Variants in PROSER3 observed in about 807,000 individuals in gnomAD.
The protein encoded by PROSER3 is proline and serine rich 3.
PROSER3 carries 33 observed loss-of-function variants against 50.2 expected under a neutral mutation model. The observed-to-expected ratio is 0.66, with a 90% CI of 0.50 to 0.88. The LOEUF (loss-of-function observed/expected upper bound fraction) is 0.88, where lower values mean the gene tolerates loss of function less well. Among genes scored for constraint, PROSER3 ranks in the 40% least tolerant of loss-of-function variants. The pLI is 0.00. For missense variants in PROSER3, 623 were observed against 612.7 expected (o/e 1.02, Z -0.18); for synonymous variants, 266 against 259.3 (o/e 1.03, Z -0.25).
exon 8 of PROSER3, chr19:35,766,883 G>C: frequency 6.4e-7 from 1 of 1,552,342 alleles, no homozygotes; most frequent in Non-Finnish European, 8.7e-7. Context: ...AGCGGCGGAA[G>C]CTTGAACAGG....
chr19:35,759,223 A>G, intron 1 of PROSER3, 151 bp from the exon 2 acceptor site: 1 of 666,122 alleles, frequency 1.5e-6, no homozygotes, highest in Non-Finnish European at 2.6e-6. Context: ...CACTGTCGAT[A>G]TCCTGAATGT....
downstream of PROSER3, chr19:35,769,225 G>C (rs1280400601): frequency 6.6e-6 from 1 of 151,936 alleles, no homozygotes; most frequent in Non-Finnish European, 1.5e-5. Flanking sequence ...TTCTACCCAA[G>C]GGTTTAAAAG....
chr19:35,766,811 A>G, exon 8 of PROSER3: 3 of 1,550,918 alleles, frequency 1.9e-6, no homozygotes, highest in South Asian at 2.4e-5. Context: ...CCCCTGCTCC[A>G]GCCCCAGCCT....
intron 3 of PROSER3, among the ~76,000 whole-genome samples, chr19:35,761,391 C>A (rs565542215): frequency 6.6e-6 from 1 of 152,050 alleles, no homozygotes; most frequent in African/African-American, 2.4e-5. Context: ...CAAAAATTGG[C>A]AGGGCTGCAG....
At chr19:35,759,430 G>A in exon 2 of PROSER3, 1 of 1,613,454 alleles carries the variant, frequency 6.2e-7, no homozygotes, top group Non-Finnish European at 8.5e-7. Context: ...CTGGGTCGAA[G>A]CCACTACTGG....
chr19:35,762,469 G>A (rs1432878242), intron 5 of PROSER3, 113 bp downstream of exon 5: 2 of 1,044,750 alleles, frequency 1.9e-6, no homozygotes, highest in African/African-American at 1.6e-5. Context: ...AGCACTTTGG[G>A]AGGCCAAGGT....
At chr19:35,767,136 G>A (rs1656804445) in intron 8 of PROSER3, 1 of 783,896 alleles carries the variant, frequency 1.3e-6, no homozygotes, top group Non-Finnish European at 1.9e-6. Flanking sequence ...GTCCCACTGT[G>A]GAGCAGTGTG....
rs1374277379 is a variant in PROSER3, at chr19:35,766,865, G to C, written c.867G>C (p.Gln289His). 5.2e-6 allele frequency: 8 copies of C among 1,551,756 alleles called. 1 individual carries two copies. In the South Asian group the frequency reaches 9.5e-5, roughly 18 times the overall value. ...GGCCAGAGGATGACATTCTGTACCA[G>C]TGGCGGCAGCGGCGGAAGCTTGAAC... The change falls in exon 8 of 11, where the codon CAG becomes CAC. Residue 289 changes from glutamine to histidine, a missense_variant. Gln to His is a conservative substitution (Grantham distance 24). Coordinates refer to ENST00000396908, the Ensembl canonical transcript of PROSER3.
At chr19:35,768,013 C>T in exon 9 of PROSER3, 2 of 1,588,036 alleles carry the variant, frequency 1.3e-6, no homozygotes, top group Non-Finnish European at 1.7e-6. Flanking sequence ...CTGACCACGC[C>T]CCCTCGGAGG....
intron 2 of PROSER3, 25 bp from the exon 3 acceptor site, chr19:35,759,763 CT>C: frequency 6.5e-7 from 1 of 1,542,622 alleles, no homozygotes; most frequent in Non-Finnish European, 8.8e-7. Context: ...CACACTTTTT[CT>C]TCTTGTGCTC....
At chr19:35,761,991 C>A in intron 3 of PROSER3, 28 bp from the exon 4 acceptor site, 1 of 1,564,056 alleles carries the variant, frequency 6.4e-7, no homozygotes, top group South Asian at 1.2e-5. Context: ...CCTCACTCCA[C>A]TCACCTCCTA....
At chr19:35,762,168 A>G in intron 4 of PROSER3, 22 bp downstream of exon 4, 1 of 1,589,720 alleles carries the variant, frequency 6.3e-7, no homozygotes, top group Non-Finnish European at 8.6e-7. Context: ...AGTGCCATCC[A>G]CTACTCCCAC....
intron 2 of PROSER3, 52 bp from the exon 3 acceptor site, chr19:35,759,730 TGCAGGGA>T (rs1970890815): frequency 6.9e-7 from 1 of 1,453,898 alleles, no homozygotes; most frequent in Admixed American, 2.0e-5. Context: ...CTGGTTCCCC[TGCAGGGA>T]TGACCCATGA....
At chr19:35,770,839 ATTTCTCTCTC>A (rs923742299), downstream of PROSER3, 7 of 151,550 alleles carry the variant, frequency 4.6e-5, no homozygotes, top group African/African-American at 1.7e-4. Flanking sequence ...AAAAAAGATA[ATTTCTCTCTC>A]TTTCTCTCTC....
intron 3 of PROSER3, 23 bp from the exon 4 acceptor site, chr19:35,761,996 C>A: frequency 6.4e-7 from 1 of 1,571,352 alleles, no homozygotes; most frequent in Non-Finnish European, 8.7e-7. Flanking sequence ...CTCCACTCAC[C>A]TCCTATCCCC....
rs79224373 is a variant in PROSER3 at position 35,768,492 on chromosome 19, C to G, written c.1390C>G (p.Pro464Ala). ...TCCAGCCGGGTCGCCCCCTAGGTCC[C>G]CAAGGAGGCTGCTAAGAAGGGAAGG... Residue 464 changes from proline to alanine, a missense_variant, in exon 11 of 11, where the codon CCA becomes GCA. Around this residue, in one of 3 missense-constraint regions of PROSER3, gnomAD observed 380 missense variants for 346.8 expected, o/e 1.10. Coordinates refer to ENST00000396908, the Ensembl canonical transcript of PROSER3. 2.2e-4 allele frequency: 353 copies of G among 1,598,132 alleles called. No homozygotes were observed. In the East Asian group the frequency reaches 7.1e-3, roughly 32 times the overall value.
exon 11 of PROSER3, chr19:35,768,613 T>G: frequency 2.0e-6 from 3 of 1,498,332 alleles, no homozygotes; most frequent in Non-Finnish European, 2.6e-6. Flanking sequence ...TGGTTATCTG[T>G]GAGAAAGGGG....
At chr19:35,762,503 G>T (rs1970988036) in intron 5 of PROSER3, 147 bp downstream of exon 5, 5 of 538,268 alleles carry the variant, frequency 9.3e-6, no homozygotes, top group East Asian at 3.6e-5. Flanking sequence ...GAGGCCAGGA[G>T]TTCAAGACCA....
chr19:35,763,502 G>A (rs572305671), intron 5 of PROSER3, among the ~76,000 whole-genome samples: 4 of 149,096 alleles, frequency 2.7e-5, no homozygotes, highest in East Asian at 3.9e-4. Flanking sequence ...CACCAAGCCC[G>A]GCCTTTTTTT....
Sources: allele counts gnomAD v4.1 joint callset (sites outside exome capture counted in the v4.1 genomes callset), GRCh38; gene constraint gnomAD v4.1.1; regional missense constraint gnomAD v4.1.1; transcripts MANE v1.5; gene names NCBI Gene and HGNC (gene_info 2026-07-23, HGNC 2026-07-21).